Variants in CCM2 observed in about 807,000 individuals in gnomAD.
CCM2 encodes cerebral cavernous malformations 2 protein.
A neutral mutation model predicts 44.9 loss-of-function variants in CCM2; 25 were observed. The ratio of observed to expected loss-of-function variants is 0.56; its 90% confidence interval spans 0.41 to 0.78. The LOEUF is 0.78. Ranked by LOEUF, CCM2 falls within the 30% of genes least tolerant of loss-of-function variation. The probability of loss-of-function intolerance (pLI) is 0.00; values close to 1 mark genes in which losing one functional copy is unlikely to be tolerated. For missense variants in CCM2, 481 were observed against 580.6 expected, an observed-to-expected ratio of 0.83 and a Z score of 1.76; for synonymous variants, 219 against 241.1, an observed-to-expected ratio of 0.91 and a Z score of 0.85.
At position 45,023,701 on chromosome 7, in the gene CCM2, G is replaced by A. The variant is rs76005489; in HGVS notation, c.31-14552G>A. The stretch of plus-strand genomic sequence containing the variant: ...AATGAGATTCAGTTTTATTATGGTA[G>A]GCAGTGAGATTACTGGGAAATCTTT... On this transcript the variant is annotated intron_variant, in intron 1 of 9. Coordinates refer to ENST00000258781, the MANE Select transcript of CCM2 (RefSeq NM_031443.4). Among the ~76,000 whole-genome samples, 1,224 of 150,112 alleles carry A rather than the reference G, an allele frequency of 8.2e-3. 22 individuals are homozygous for A. Among genetic ancestry groups the A allele is most frequent in the African/African-American group, 0.029 (1,178 of 40,992 alleles).
chr7:45,028,874 G>C (rs1000844523), intron 1 of CCM2, among the ~76,000 whole-genome samples: 1 of 152,160 alleles, frequency 6.6e-6, no homozygotes, highest in African/African-American at 2.4e-5. Context: ...GGTGCAATGT[G>C]GGTGTCCACA....
chr7:45,011,591 G>A (rs894034673), intron 1 of CCM2, among the ~76,000 whole-genome samples: 2 of 151,852 alleles, frequency 1.3e-5, no homozygotes, highest in African/African-American at 4.8e-5. Context: ...TCACTCTGTT[G>A]CCCAGGCTGG....
At chr7:45,006,481 C>G (rs1795853545) in intron 1 of CCM2, among the ~76,000 whole-genome samples, 1 of 152,082 alleles carries the variant, frequency 6.6e-6, no homozygotes, top group African/African-American at 2.4e-5. Flanking sequence ...GTAGCTAGGA[C>G]TACAGGTGCC....
intron 4 of CCM2, 188 bp from the exon 5 acceptor site, chr7:45,068,255 G>T (rs533426780): frequency 1.3e-5 from 9 of 691,582 alleles, no homozygotes; most frequent in Non-Finnish European, 2.3e-5. Context: ...CAGGGGTCGC[G>T]TGTTCCCACC....
chr7:45,076,046 G>A lies in CCM2; in HGVS notation c.1324G>A (p.Asp442Asn), dbSNP rs1448419937. 6.2e-7 allele frequency: 1 copy of A among 1,613,004 alleles called. No homozygotes were observed. Among genetic ancestry groups the A allele is most frequent in the Non-Finnish European group, 8.5e-7 (1 of 1,180,024 alleles). ...GGCGCTGGGCTGCAGCATGGACCAG[G>A]ACTCAGCATGATGGACAGTGGATGG... The part of the protein sequence containing the change: ...IEALGCSMDQ[D>N]SA Residue 442 changes from aspartate (D) to asparagine (N), a missense_variant, in exon 10 of 10, where the codon GAC (aspartate) becomes AAC (asparagine). Coordinates refer to ENST00000258781, the MANE Select transcript of CCM2 (RefSeq NM_031443.4).
chr7:45,028,841 T>C (rs1583878884), intron 1 of CCM2, among the ~76,000 whole-genome samples: 1 of 152,054 alleles, frequency 6.6e-6, no homozygotes, highest in Admixed American at 6.5e-5. Flanking sequence ...TGCTGGAAGT[T>C]TGTGGAAATT....
intron 9 of CCM2, among the ~76,000 whole-genome samples, chr7:45,075,418 C>G (rs1364639305): frequency 6.6e-6 from 1 of 152,214 alleles, no homozygotes; most frequent in Non-Finnish European, 1.5e-5. Flanking sequence ...TGCTCTGGGC[C>G]TCAGCTTTCC....
intron 1 of CCM2, chr7:45,027,510 CA>C (rs1796742987): frequency 3.3e-6 from 3 of 907,718 alleles, no homozygotes; most frequent in East Asian, 2.7e-5. Flanking sequence ...TCTTTTTGTG[CA>C]TGCAGACTGT....
At chr7:45,010,523 T>C (rs959642268) in intron 1 of CCM2, among the ~76,000 whole-genome samples, 3 of 152,194 alleles carry the variant, frequency 2.0e-5, no homozygotes, top group African/African-American at 7.2e-5. Flanking sequence ...TGCTGAGTAA[T>C]ATTTTGTTGT....
At chr7:45,000,451 G>T (rs1357748893) in intron 1 of CCM2, 88 bp downstream of exon 1, 3 of 109,800 alleles carry the variant, frequency 2.7e-5, no homozygotes, top group African/African-American at 2.2e-4. Flanking sequence ...GTTCCTTGGG[G>T]CCCGGGGGGG....
In CCM2 at chr7:45,073,205, A is replaced by G. The variant is rs982528078; in HGVS notation, c.804-255A>G. The G allele has an allele frequency of 8.2e-5, 48 of 583,826 alleles. No individual in the cohort carries two copies. The East Asian group carries it at 9.8e-4, about 12-fold the overall frequency. 36.2% of individuals were successfully genotyped at this position (583,826 alleles called of 1,614,324 possible). A position where few individuals can be genotyped will look rare whatever the true frequency, so the allele number is the denominator to read the frequency against. ...CTTCCCCTGCCCAACAATGCTGCCC[A>G]CTGCCTTGACCTGTGTACTCCCTCT... On this transcript the variant is annotated intron_variant, in intron 7 of 9. Coordinates refer to ENST00000258781, the MANE Select transcript of CCM2 (RefSeq NM_031443.4).
At chr7:45,016,689 G>A (rs1328301245) in intron 1 of CCM2, among the ~76,000 whole-genome samples, 14 of 132,084 alleles carry the variant, frequency 1.1e-4, no homozygotes, top group Middle Eastern at 5.9e-3. Context: ...CTGGAGTGCA[G>A]TGGCGCGATC....
At chr7:45,053,487 A>C (rs1798105864) in intron 2 of CCM2, among the ~76,000 whole-genome samples, 1 of 152,194 alleles carries the variant, frequency 6.6e-6, no homozygotes, top group Non-Finnish European at 1.5e-5. Context: ...CTGCCCATGG[A>C]AACTCCAGCA....
intron 1 of CCM2, among the ~76,000 whole-genome samples, chr7:45,011,056 C>T (rs557880082): frequency 6.6e-6 from 1 of 152,138 alleles, no homozygotes; most frequent in South Asian, 2.1e-4. Context: ...TTTCTCTTTC[C>T]AGAGACAGGG....
chr7:45,064,075 C>T (rs766842417), intron 3 of CCM2, 74 bp downstream of exon 3: 60 of 1,072,296 alleles, frequency 5.6e-5, no homozygotes, highest in Non-Finnish European at 7.5e-5. Context: ...CTCTTGGCCT[C>T]GTGGCTGTGA....
At chr7:45,023,796 T>A (rs1796577025) in intron 1 of CCM2, among the ~76,000 whole-genome samples, 1 of 119,366 alleles carries the variant, frequency 8.4e-6, no homozygotes, top group Non-Finnish European at 1.7e-5. Flanking sequence ...AGTTTTTTTT[T>A]TTTTTTTTTT....
chr7:45,073,332 C>T (rs1799175500), intron 7 of CCM2, 128 bp from the exon 8 acceptor site: 3 of 698,540 alleles, frequency 4.3e-6, no homozygotes, highest in Non-Finnish European at 7.7e-6. Context: ...TCATCATCAT[C>T]ATCATCACTT....
At chr7:45,058,737 CAT>C (rs1208869840) in intron 2 of CCM2, among the ~76,000 whole-genome samples, 2 of 151,942 alleles carry the variant, frequency 1.3e-5, no homozygotes, top group Admixed American at 6.6e-5. Context: ...TTGCTACAAT[CAT>C]ATGATTTTTC....
At chr7:45,006,301 C>T (rs1795845477) in intron 1 of CCM2, among the ~76,000 whole-genome samples, 1 of 151,712 alleles carries the variant, frequency 6.6e-6, no homozygotes, top group African/African-American at 2.4e-5. Context: ...ACTTCCAGGA[C>T]CTCAGGATGT....
Sources: allele counts gnomAD v4.1 joint callset (sites outside exome capture counted in the v4.1 genomes callset), GRCh38; gene constraint gnomAD v4.1.1; transcripts MANE v1.5; gene names NCBI Gene and HGNC (gene_info 2026-07-23, HGNC 2026-07-21).